RTN4: variants seen among roughly 807,000 people sequenced by gnomAD.
RTN4 encodes the protein reticulon 4.
RTN4 carries 32 observed loss-of-function variants against 90.4 expected under a neutral mutation model. The observed-to-expected ratio is 0.35, with a 90% confidence interval of 0.27 to 0.48. RTN4 has a LOEUF of 0.48. Ranked by LOEUF, RTN4 falls within the 20% of genes least tolerant of loss-of-function variation. The pLI is 0.99. For missense variants in RTN4, 1,706 were observed against 1,430.2 expected, an observed-to-expected ratio of 1.19 and a Z score of -3.11; for synonymous variants, 629 against 552.5, an observed-to-expected ratio of 1.14 and a Z score of -1.94.
chr2:54,991,458 G>C (rs1036608609), intron 3 of RTN4, among the ~76,000 whole-genome samples: 1 of 152,196 alleles, frequency 6.6e-6, no homozygotes, highest in African/African-American at 2.4e-5. Flanking sequence ...CCACATCCTA[G>C]CATGTACCAG....
intron 1 of RTN4, among the ~76,000 whole-genome samples, chr2:55,083,834 C>T (rs1248378455): frequency 1.3e-5 from 2 of 152,210 alleles, no homozygotes; most frequent in Admixed American, 6.5e-5. Flanking sequence ...CAGTTCCTGG[C>T]ACACAGCTCC....
At chr2:54,983,846 C>T (rs1678340340) in intron 4 of RTN4, among the ~76,000 whole-genome samples, 1 of 152,180 alleles carries the variant, frequency 6.6e-6, no homozygotes, top group Admixed American at 6.5e-5. Context: ...CATTTAACTT[C>T]TCTGGGTAAG....
chr2:55,035,709 G>T (rs547388644), intron 1 of RTN4, among the ~76,000 whole-genome samples: 4 of 152,026 alleles, frequency 2.6e-5, no homozygotes, highest in Non-Finnish European at 5.9e-5. Flanking sequence ...TCAAGACAGA[G>T]ACTGAGAGAC....
chr2:55,070,568 AAAG>A (rs1202577358), intron 2 of RTN4, among the ~76,000 whole-genome samples: 113 of 143,742 alleles, frequency 7.9e-4, no homozygotes, highest in African/African-American at 2.9e-3. Flanking sequence ...AAAAAAAAAG[AAAG>A]AAAGAAAGAA....
chr2:55,031,513 C>T (rs866332772), intron 1 of RTN4, among the ~76,000 whole-genome samples: 15 of 152,220 alleles, frequency 9.9e-5, no homozygotes, highest in Non-Finnish European at 1.5e-4. Context: ...GCACAAGACT[C>T]GGCAAGGCCT....
chr2:55,037,714 C>T (rs1682787409), intron 1 of RTN4, among the ~76,000 whole-genome samples: 2 of 152,176 alleles, frequency 1.3e-5, no homozygotes, highest in African/African-American at 4.8e-5. Context: ...CCTAAGACGT[C>T]ACTTATCCCC....
In RTN4 at chr2:54,982,569, C is replaced by A; in HGVS notation, c.3306G>T (p.Thr1102=). ...SNSALGHVNC[T]IKELRRLFLV... ...AGAAGAGGCGCCTGAGTTCCTTTAT[C>A]GTGCAGTTCACATGACCAAGAGCAG... The change falls in exon 5 of 9, where the codon ACG becomes ACT. Residue 1102 remains threonine, a synonymous_variant. Transcript: ENST00000337526. 1 of 1,613,648 alleles carries A rather than the reference C, an allele frequency of 6.2e-7. No homozygotes were observed. Among genetic ancestry groups the A allele is most frequent in the South Asian group, 1.1e-5 (1 of 90,940 alleles).
rs959245701 is a variant in RTN4, at chr2:54,972,395, T to G, written c.*761A>C. ...CCATAGATTCTGTGACAAAATTAACTACAGTCAGTCTGTGCAATGAAATTG... is the reference window on the plus strand; with the variant it reads ...CCATAGATTCTGTGACAAAATTAACGACAGTCAGTCTGTGCAATGAAATTG... On this transcript the variant is annotated 3_prime_UTR_variant, in exon 9 of 9. Transcript: ENST00000337526. 5 of 151,424 alleles carry G rather than the reference T, an allele frequency of 3.3e-5. No homozygotes were observed. Among genetic ancestry groups the G allele is most frequent in the Admixed American group, 2.0e-4 (3 of 15,060 alleles). 9.4% of individuals were successfully genotyped at this position (151,424 alleles called of 1,614,324 possible).
chr2:54,973,098 T>G lies in RTN4; in HGVS notation c.*58A>C, dbSNP rs1316633569. 4 of 1,436,460 alleles carry G rather than the reference T, an allele frequency of 2.8e-6. No homozygotes were observed. The highest frequency in any genetic ancestry group is 1.7e-5 in the Admixed American group (1 of 58,196). 89.0% of individuals were successfully genotyped at this position (1,436,460 alleles called of 1,614,324 possible). A position where few individuals can be genotyped will look rare whatever the true frequency, so the allele number is the denominator to read the frequency against. On this transcript the variant is annotated 3_prime_UTR_variant, in exon 9 of 9. Coordinates refer to ENST00000337526, the MANE Select transcript of RTN4 (RefSeq NM_020532.5). ...TTCGTTCTTCCCTGACCCTCCCCCG[T>G]ATAATCAAATGAATATCCCCTTTAA...
chr2:55,047,728 C>T lies in RTN4; in HGVS notation c.556+2017G>A, dbSNP rs955014879. 2.6e-5 allele frequency among the ~76,000 whole-genome samples: 4 copies of T among 152,154 alleles called. No individual in the cohort carries two copies. In the South Asian group the frequency reaches 8.3e-4, roughly 32 times the overall value. On this transcript the variant is annotated intron_variant, in intron 1 of 8. Coordinates refer to ENST00000337526, the MANE Select transcript of RTN4 (RefSeq NM_020532.5). ...CTGCTAGTGGGACACTTTCTGTCCC[C>T]GAAGTAGCAAGTACTTATGAATGTA...
intron 3 of RTN4, among the ~76,000 whole-genome samples, chr2:54,990,147 A>G (rs1678887094): frequency 6.6e-6 from 1 of 152,234 alleles, no homozygotes; most frequent in East Asian, 1.9e-4. Flanking sequence ...TAAAATGTAT[A>G]TTAAAATAGG....
At chr2:54,987,373 T>C (rs1437255809) in intron 4 of RTN4, 118 bp downstream of exon 4, 3 of 804,332 alleles carry the variant, frequency 3.7e-6, no homozygotes, top group Non-Finnish European at 6.2e-6. Flanking sequence ...AGCAAATAAC[T>C]GCAATTATCT....
intron 6 of RTN4, 66 bp from the exon 7 acceptor site, chr2:54,973,933 A>C (rs1482418174): frequency 7.4e-7 from 1 of 1,356,930 alleles, no homozygotes; most frequent in Non-Finnish European, 1.0e-6. Context: ...AACACTCAAA[A>C]AACTATTAAA....
the RTN4 span, among the ~76,000 whole-genome samples, chr2:55,137,741 C>T: frequency 2.6e-5 from 4 of 152,128 alleles, no homozygotes; most frequent in African/African-American, 2.4e-5. Context: ...CCTCCGACCT[C>T]TCAGCTGTAG....
the RTN4 span, among the ~76,000 whole-genome samples, chr2:55,124,391 A>C: frequency 1.3e-5 from 2 of 152,276 alleles, no homozygotes; most frequent in African/African-American, 4.8e-5. Context: ...CAGGCATGTA[A>C]GGCTAAATCA....
chr2:55,011,754 G>C (rs115764983), intron 3 of RTN4, among the ~76,000 whole-genome samples: 1 of 151,906 alleles, frequency 6.6e-6, no homozygotes, highest in Non-Finnish European at 1.5e-5. Flanking sequence ...AAATGAGAGG[G>C]GAAAAAGGAA....
intron 2 of RTN4, among the ~76,000 whole-genome samples, chr2:55,062,444 C>A (rs569950140): frequency 6.6e-6 from 1 of 152,318 alleles, no homozygotes; most frequent in South Asian, 2.1e-4. Context: ...CCACAGCCTG[C>A]GCGTCTGTGT....
chr2:55,009,076 C>G (rs924695706), intron 3 of RTN4, among the ~76,000 whole-genome samples: 1 of 152,090 alleles, frequency 6.6e-6, no homozygotes, highest in African/African-American at 2.4e-5. Context: ...TTCCCCACAT[C>G]TTTATTGAAC....
At chr2:54,974,554 T>C in intron 6 of RTN4, 141 bp downstream of exon 6, 1 of 689,718 alleles carries the variant, frequency 1.4e-6, no homozygotes, top group South Asian at 1.8e-5. Context: ...GTGCTGGGAT[T>C]ACAGGCATGA....
Sources: gnomAD v4.1 joint callset for allele counts (sites outside exome capture counted in the v4.1 genomes callset) on GRCh38, gnomAD v4.1.1 for gene constraint, MANE v1.5 for transcripts, NCBI Gene and HGNC (gene_info 2026-07-23, HGNC 2026-07-21) for gene names.